NELL1: variants seen among roughly 807,000 people sequenced by gnomAD.
NELL1 encodes the protein neural EGFL like 1.
A neutral mutation model predicts 107.4 loss-of-function variants in NELL1; 76 were observed. The ratio of observed to expected loss-of-function variants is 0.71; its 90% CI spans 0.59 to 0.86. The LOEUF is 0.86. NELL1 is among the 40% of genes least tolerant of loss of function. The pLI is 0.00. For missense variants in NELL1, 1,024 were observed against 1,005.5 expected (o/e 1.02, Z -0.25); for synonymous variants, 353 against 341.2 (o/e 1.03, Z -0.38).
chr11:21,014,197 A>T (rs1046817275), intron 12 of NELL1, among the ~76,000 whole-genome samples: 1 of 152,030 alleles, frequency 6.6e-6, no homozygotes, highest in Non-Finnish European at 1.5e-5. Context: ...TGGGATTCTG[A>T]GTAGGGGTGG....
At chr11:21,033,044 C>A (rs1243591844) in intron 12 of NELL1, among the ~76,000 whole-genome samples, 1 of 152,048 alleles carries the variant, frequency 6.6e-6, no homozygotes, top group Admixed American at 6.6e-5. Flanking sequence ...CAGGCATAAT[C>A]CCATGGTCTT....
intron 14 of NELL1, among the ~76,000 whole-genome samples, chr11:21,309,292 ATATATATGTATATATATATAAT>A (rs1849691978): frequency 1.2e-5 from 1 of 82,080 alleles, no homozygotes; most frequent in African/African-American, 3.5e-5. Context: ...ATATATATAT[ATATATATGTATATATATATAAT>A]ATATATATAT....
intron 13 of NELL1, among the ~76,000 whole-genome samples, chr11:21,152,245 G>A (rs1015403728): frequency 6.6e-6 from 1 of 152,206 alleles, no homozygotes; most frequent in African/African-American, 2.4e-5. Flanking sequence ...GTGATTGAGT[G>A]TGAAAAGTGT....
At chr11:21,225,124 T>C (rs969437032) in intron 13 of NELL1, among the ~76,000 whole-genome samples, 4 of 152,124 alleles carry the variant, frequency 2.6e-5, no homozygotes, top group African/African-American at 9.7e-5. Flanking sequence ...CTTCTGGGTG[T>C]ATGTGGTGGG....
At chr11:21,507,685 AAAG>A (rs1281218070) in intron 15 of NELL1, among the ~76,000 whole-genome samples, 4 of 152,180 alleles carry the variant, frequency 2.6e-5, no homozygotes, top group Non-Finnish European at 5.9e-5. Flanking sequence ...ACTGAATAAA[AAAG>A]AAAAAAATAA....
At chr11:21,416,661 A>G (rs1207657886) in intron 15 of NELL1, among the ~76,000 whole-genome samples, 1 of 152,112 alleles carries the variant, frequency 6.6e-6, no homozygotes, top group Non-Finnish European at 1.5e-5. Flanking sequence ...AACCACTGCT[A>G]AAACACATGC....
intron 4 of NELL1, among the ~76,000 whole-genome samples, chr11:20,851,152 C>T (rs118169155): frequency 1.5e-3 from 229 of 152,194 alleles, no homozygotes; most frequent in Non-Finnish European, 1.6e-3. Flanking sequence ...AAGAAATTTC[C>T]CAGATAATTC....
At chr11:21,080,909 GCA>G (rs145349709) in intron 12 of NELL1, among the ~76,000 whole-genome samples, 3 of 149,580 alleles carry the variant, frequency 2.0e-5, no homozygotes, top group Non-Finnish European at 3.0e-5. Context: ...ACACACACAC[GCA>G]CACACACACA....
intron 14 of NELL1, among the ~76,000 whole-genome samples, chr11:21,286,816 T>A (rs1849129678): frequency 6.6e-6 from 1 of 152,230 alleles, no homozygotes; most frequent in South Asian, 2.1e-4. Flanking sequence ...GTGTTTTCTT[T>A]CCTTGTCCTT....
intron 13 of NELL1, among the ~76,000 whole-genome samples, chr11:21,199,244 T>C (rs554294228): frequency 2.8e-4 from 43 of 152,266 alleles, no homozygotes; most frequent in East Asian, 1.5e-3. Context: ...CTTAAATCCA[T>C]TGGGCTCCTA....
In NELL1 at chr11:21,174,839, C is replaced by T. The variant is rs545404661; in HGVS notation, c.1427-54493C>T. 7.2e-5 allele frequency among the ~76,000 whole-genome samples: 11 copies of T among 151,888 alleles called. No homozygotes were observed. In the South Asian group the frequency reaches 2.1e-3, roughly 29 times the overall value. On this transcript the variant is annotated intron_variant, in intron 13 of 19. Coordinates refer to ENST00000357134, the MANE Select transcript of NELL1 (RefSeq NM_006157.5). Reference sequence around the variant, plus strand: ...TCCTATAATCTAACTCCACTTCTGTCATTCCCTCTCCATAACTGAAATATG... The same window carrying T: ...TCCTATAATCTAACTCCACTTCTGTTATTCCCTCTCCATAACTGAAATATG...
chr11:21,212,679 T>C (rs74626003), intron 13 of NELL1, among the ~76,000 whole-genome samples: 4,112 of 152,252 alleles, frequency 0.027, 172 homozygotes, highest in African/African-American at 0.092. Flanking sequence ...AATCCATTGT[T>C]AGTGCAGCCC....
chr11:21,219,802 C>T (rs1249233308), intron 13 of NELL1, among the ~76,000 whole-genome samples: 1 of 152,120 alleles, frequency 6.6e-6, no homozygotes, highest in Non-Finnish European at 1.5e-5. Flanking sequence ...TTAGTCTGCT[C>T]TCACATTGCT....
chr11:21,420,272 T>A (rs1301306495), intron 15 of NELL1, among the ~76,000 whole-genome samples: 1 of 152,130 alleles, frequency 6.6e-6, no homozygotes, highest in Non-Finnish European at 1.5e-5. Context: ...GTACATTAAA[T>A]GAGAGAAGAC....
intron 15 of NELL1, among the ~76,000 whole-genome samples, chr11:21,527,076 C>G (rs1855874013): frequency 6.6e-6 from 1 of 152,194 alleles, no homozygotes; most frequent in African/African-American, 2.4e-5. Flanking sequence ...CTCTTGAATA[C>G]TTTGCTGCTT....
At chr11:21,522,768 C>T (rs902992622) in intron 15 of NELL1, among the ~76,000 whole-genome samples, 1 of 139,986 alleles carries the variant, frequency 7.1e-6, no homozygotes. Context: ...CCAATTCATT[C>T]TTTTTATGAA....
At chr11:20,847,525 A>G (rs1229733538) in intron 3 of NELL1, 58 bp from the exon 4 acceptor site, 1 of 1,544,608 alleles carries the variant, frequency 6.5e-7, no homozygotes, top group Non-Finnish European at 8.8e-7. Flanking sequence ...TGAGGGATTG[A>G]TGATGGCTGT....
intron 2 of NELL1, among the ~76,000 whole-genome samples, chr11:20,736,742 C>T (rs1044292699): frequency 2.0e-5 from 3 of 151,398 alleles, no homozygotes; most frequent in African/African-American, 2.4e-5. Context: ...TCCTCCCCTC[C>T]CCCTCCCTTC....
chr11:21,028,222 T>G (rs182050015), intron 12 of NELL1, among the ~76,000 whole-genome samples: 130 of 152,256 alleles, frequency 8.5e-4, no homozygotes, highest in South Asian at 2.5e-3. Flanking sequence ...TTTAATTTAA[T>G]TAGTCCAGAG....
Sources: allele counts gnomAD v4.1 joint callset (sites outside exome capture counted in the v4.1 genomes callset), GRCh38; gene constraint gnomAD v4.1.1; transcripts MANE v1.5; gene names NCBI Gene and HGNC (gene_info 2026-07-23, HGNC 2026-07-21).